Variants in OTULINL observed in about 807,000 individuals in gnomAD.
OTULINL encodes inactive ubiquitin thioesterase OTULINL.
Under a neutral mutation model 43.9 loss-of-function variants are expected in OTULINL, and 42 were observed. The ratio of observed to expected loss-of-function variants is 0.96; its 90% CI spans 0.75 to 1.24. The LOEUF is 1.24. Ranked by LOEUF, OTULINL falls within the 50% of genes most tolerant of loss-of-function variation. OTULINL has a pLI of 0.00. For synonymous variants in OTULINL, 172 were observed against 153.6 expected, an observed-to-expected ratio of 1.12 and a Z score of -0.88; for missense variants, 411 against 426.4, an observed-to-expected ratio of 0.96 and a Z score of 0.32.
chr5:14,602,125 C>T (rs1759398242), intron 4 of OTULINL, 58 bp from the exon 5 acceptor site: 10 of 1,375,454 alleles, frequency 7.3e-6, no homozygotes, highest in Non-Finnish European at 8.7e-6. Flanking sequence ...ACAGTGAATT[C>T]ACTTTATTTT....
At chr5:14,610,101 C>A in intron 7 of OTULINL, 40 bp from the exon 8 acceptor site, 2 of 1,573,224 alleles carry the variant, frequency 1.3e-6, no homozygotes, top group Non-Finnish European at 1.7e-6. Context: ...CAGGAATTTG[C>A]AAGTGTGTAT....
chr5:14,601,020 C>A lies in OTULINL; in HGVS notation c.120C>A (p.Val40=), dbSNP rs376479586. 5.0e-6 allele frequency: 8 copies of A among 1,607,852 alleles called. No homozygotes were observed. Among genetic ancestry groups the A allele is most frequent in the Non-Finnish European group, 5.9e-6 (7 of 1,178,794 alleles). Residue 40 remains valine (V), a synonymous_variant, in exon 2 of 8, where the codon GTC becomes GTA. Coordinates refer to ENST00000274217, the MANE Select transcript of OTULINL (RefSeq NM_019018.3). ...CTACAAGCCAAGCCTTAGACACTGT[C>A]TGGAGAATGGCAAAAGGCTTTGTGA... ...MLATSQALDT[V]WRMAKGFVML...
At chr5:14,587,896 CTCCCTTTCCCTCCCAGTCTCCTTGATAT>C (rs1416688380) in intron 1 of OTULINL, among the ~76,000 whole-genome samples, 1 of 152,150 alleles carries the variant, frequency 6.6e-6, no homozygotes, top group Admixed American at 6.5e-5. Flanking sequence ...CCTATTACAT[CTCCCTTTCCCTCCCAGTCTCCTTGATAT>C]TCCCTTTTCC....
At chr5:14,600,222 T>G (rs1015688017) in intron 1 of OTULINL, among the ~76,000 whole-genome samples, 5 of 152,184 alleles carry the variant, frequency 3.3e-5, no homozygotes, top group African/African-American at 1.2e-4. Flanking sequence ...CCCCTTTTGC[T>G]TGACACTTCT....
chr5:14,586,512 C>G (rs1255715742), intron 1 of OTULINL, among the ~76,000 whole-genome samples: 1 of 152,180 alleles, frequency 6.6e-6, no homozygotes, highest in African/African-American at 2.4e-5. Context: ...ACATAAAATG[C>G]TATGCTTGAT....
In OTULINL at chr5:14,610,360, C is replaced by T. The variant is rs773982986; in HGVS notation, c.*46C>T. Reference sequence around the variant, plus strand: ...CAGTGCTCACCAGTGACGGTGGTCACAGTTGCAATAAAGTCTCTCTCTGAA... The same window carrying T: ...CAGTGCTCACCAGTGACGGTGGTCATAGTTGCAATAAAGTCTCTCTCTGAA... On this transcript the variant is annotated 3_prime_UTR_variant, in exon 8 of 8. Coordinates refer to ENST00000274217, the MANE Select transcript of OTULINL (RefSeq NM_019018.3). 5.1e-6 allele frequency: 8 copies of T among 1,583,190 alleles called. No homozygotes were observed. Among genetic ancestry groups the T allele is most frequent in the Non-Finnish European group, 6.0e-6 (7 of 1,160,608 alleles).
Position 14,581,963 on chromosome 5 carries a change from G to A in OTULINL, c.64+5G>A. On this transcript the variant is annotated splice_donor_5th_base_variant and intron_variant, in intron 1 of 7. Coordinates refer to ENST00000274217, the MANE Select transcript of OTULINL (RefSeq NM_019018.3). ...GGTCTGGCGCTCCCGCCGCAGGTGA[G>A]CCTGGGGCCGGGCGGGGCGGGGCGG... 1 of 1,302,830 alleles carries A rather than the reference G, an allele frequency of 7.7e-7. No homozygotes were observed. Among genetic ancestry groups the A allele is most frequent in the Non-Finnish European group, 9.7e-7 (1 of 1,026,732 alleles). The allele number at this position is 1,302,830 out of a possible 1,614,324, so 80.7% of individuals were successfully genotyped here.
chr5:14,605,886 TC>T (rs1318523334), intron 5 of OTULINL, among the ~76,000 whole-genome samples: 1 of 152,192 alleles, frequency 6.6e-6, no homozygotes, highest in African/African-American at 2.4e-5. Context: ...TCAACAAGTC[TC>T]TAGGGTCTTC....
intron 1 of OTULINL, among the ~76,000 whole-genome samples, chr5:14,587,803 C>T (rs928096082): frequency 9.9e-5 from 15 of 152,118 alleles, no homozygotes; most frequent in African/African-American, 3.1e-4. Context: ...GGTGACCTAC[C>T]TTGTACTGTC....
In OTULINL at chr5:14,615,016, G is replaced by A. The variant is rs936977674; in HGVS notation, c.*4702G>A. ...AGTACATGTTTTAAGTATTTTCATC[G>A]TAGTCTAGATGGGCTGTAAAACCCA... On this transcript the variant is annotated 3_prime_UTR_variant, in exon 8 of 8. Coordinates refer to ENST00000274217, the MANE Select transcript of OTULINL (RefSeq NM_019018.3). 80 of 339,164 alleles carry A rather than the reference G, an allele frequency of 2.4e-4. 1 individual carries two copies. The Admixed American group carries it at 3.0e-3, about 13-fold the overall frequency. 21.0% of individuals were successfully genotyped at this position (339,164 alleles called of 1,614,324 possible). A position where few individuals can be genotyped will look rare whatever the true frequency, so the allele number is the denominator to read the frequency against.
At chr5:14,594,287 C>G (rs79793294) in intron 1 of OTULINL, among the ~76,000 whole-genome samples, 3,285 of 152,308 alleles carry the variant, frequency 0.022, 49 homozygotes, top group Middle Eastern at 0.037. Flanking sequence ...AGGATTTGTT[C>G]TGTGTGTTTT....
chr5:14,585,931 A>G (rs1560958436), intron 1 of OTULINL, among the ~76,000 whole-genome samples: 1 of 152,236 alleles, frequency 6.6e-6, no homozygotes, highest in Non-Finnish European at 1.5e-5. Flanking sequence ...AGATTGGGTT[A>G]ACATTTGTAT....
rs1280377025 is a variant in OTULINL, at chr5:14,610,244, C to G, written c.1001C>G (p.Pro334Arg). The change falls in exon 8 of 8, where the codon CCT becomes CGT. Residue 334 changes from proline to arginine, a missense_variant. Pro to Arg is a moderately radical substitution (Grantham distance 103, BLOSUM62 -2). Coordinates refer to ENST00000274217, the MANE Select transcript of OTULINL (RefSeq NM_019018.3). ...RDFEVCYPEE[P>R]LRDWPEISLL... ...TTTGAAGTCTGCTACCCAGAGGAGC[C>G]TCTCAGGGACTGGCCGGAGATCTCC... The G allele has an allele frequency of 1.9e-6, 3 of 1,613,696 alleles. No homozygotes were observed. Among genetic ancestry groups the G allele is most frequent in the African/African-American group, 2.7e-5 (2 of 74,890 alleles).
chr5:14,610,553 G>T lies in OTULINL; in HGVS notation c.*239G>T. The T allele has an allele frequency of 2.5e-6, 1 of 406,874 alleles. No homozygotes were observed. Among genetic ancestry groups the T allele is most frequent in the Non-Finnish European group, 4.5e-6 (1 of 223,370 alleles). 25.2% of individuals were successfully genotyped at this position (406,874 alleles called of 1,614,324 possible). A position where few individuals can be genotyped will look rare whatever the true frequency, so the allele number is the denominator to read the frequency against. ...TTGGTGGCTTGACTTTGTCCATAAG[G>T]GGCGTGGCCACTTCACATGATGGCG... is the stretch of plus-strand genomic sequence containing the variant. On this transcript the variant is annotated 3_prime_UTR_variant, in exon 8 of 8. Transcript: ENST00000274217.
At chr5:14,600,939 T>C in intron 1 of OTULINL, 26 bp from the exon 2 acceptor site, 2 of 1,330,184 alleles carry the variant, frequency 1.5e-6, no homozygotes, top group Non-Finnish European at 1.9e-6. Context: ...GTGCTTTTTT[T>C]TTTTTTTTTT....
At chr5:14,603,211 T>C (rs1339036955) in intron 5 of OTULINL, among the ~76,000 whole-genome samples, 1 of 152,238 alleles carries the variant, frequency 6.6e-6, no homozygotes, top group Non-Finnish European at 1.5e-5. Context: ...CTACAGTTTG[T>C]TTATCCATTC....
In OTULINL at chr5:14,613,602, G is replaced by T. The variant is rs1759619026; in HGVS notation, c.*3288G>T. On this transcript the variant is annotated 3_prime_UTR_variant, in exon 8 of 8. Transcript: ENST00000274217. ...AAATGATAACTATGGGTGGCTTCTGGGCTCAATTTAGAATATTATCATTGA... is the reference window on the plus strand; with the variant it reads ...AAATGATAACTATGGGTGGCTTCTGTGCTCAATTTAGAATATTATCATTGA... Among the ~76,000 whole-genome samples the T allele has an allele frequency of 6.6e-6, 1 of 152,078 alleles. No homozygotes were observed. Among genetic ancestry groups the T allele is most frequent in the Non-Finnish European group, 1.5e-5 (1 of 68,018 alleles).
At position 14,610,319 on chromosome 5, in the gene OTULINL, G is replaced by C; in HGVS notation, c.*5G>C. ...TACCACATTCCAGTCTTTTAAGTCC[G>C]CTGGGGGCCGAACAGCAGTGCTCAC... On this transcript the variant is annotated 3_prime_UTR_variant, in exon 8 of 8. Transcript: ENST00000274217. 1 of 1,611,992 alleles carries C rather than the reference G, an allele frequency of 6.2e-7. No homozygotes were observed. Among genetic ancestry groups the C allele is most frequent in the Non-Finnish European group, 8.5e-7 (1 of 1,179,824 alleles).
At chr5:14,596,308 G>A (rs941057698) in intron 1 of OTULINL, among the ~76,000 whole-genome samples, 10 of 152,302 alleles carry the variant, frequency 6.6e-5, no homozygotes, top group African/African-American at 2.2e-4. Context: ...GGGATGAGGC[G>A]GGAAAGCTGG....
Sources: allele counts gnomAD v4.1 joint callset (sites outside exome capture counted in the v4.1 genomes callset), GRCh38; gene constraint gnomAD v4.1.1; transcripts MANE v1.5; gene names NCBI Gene and HGNC (gene_info 2026-07-23, HGNC 2026-07-21).